TSPEAR: variants seen among roughly 807,000 people sequenced by gnomAD.
TSPEAR encodes the protein thrombospondin-type laminin G domain and EAR repeat-containing protein.
In TSPEAR, 69 loss-of-function variants were observed where a neutral mutation model predicts 71.6. The ratio of observed to expected loss-of-function variants is 0.96; its 90% CI spans 0.79 to 1.18. TSPEAR has a LOEUF of 1.18. Ranked by LOEUF, TSPEAR falls within the 50% of genes most tolerant of loss-of-function variation. The probability of loss-of-function intolerance (pLI) is 0.00; values close to 1 mark genes in which losing one functional copy is unlikely to be tolerated. For missense variants in TSPEAR, 971 were observed against 894.9 expected, an observed-to-expected ratio of 1.09 and a Z score of -1.09; for synonymous variants, 402 against 387.2, an observed-to-expected ratio of 1.04 and a Z score of -0.45.
chr21:44,539,079 CA>C lies in TSPEAR; in HGVS notation c.304-5157del, dbSNP rs782568145. On this transcript the variant is annotated intron_variant, in intron 2 of 11. Transcript: ENST00000323084. ...AGAGCAGAGAAGCTGGGAGGGAGGACAGGGGACCTAGCAGGCAGGTGGGCAC... is the reference window on the plus strand; with the variant it reads ...AGAGCAGAGAAGCTGGGAGGGAGGACGGGGACCTAGCAGGCAGGTGGGCAC... The C allele has an allele frequency of 1.9e-4, 136 of 719,774 alleles. No homozygotes were observed. In the Middle Eastern group the frequency reaches 2.0e-3, roughly 10 times the overall value. 44.6% of individuals were successfully genotyped at this position (719,774 alleles called of 1,614,324 possible).
intron 1 of TSPEAR, among the ~76,000 whole-genome samples, chr21:44,644,938 A>AG (rs879989454): frequency 9.5e-4 from 58 of 61,276 alleles, no homozygotes; most frequent in Admixed American, 9.3e-4. Context: ...AGAGTTAAGG[A>AG]AAGAGAGAAA....
intron 1 of TSPEAR, among the ~76,000 whole-genome samples, chr21:44,633,859 G>A (rs931829532): frequency 5.9e-5 from 9 of 152,026 alleles, no homozygotes; most frequent in African/African-American, 1.7e-4. Context: ...AACTGGAATT[G>A]CCTATTTCTT....
At chr21:44,628,064 C>T (rs1555934968) in intron 1 of TSPEAR, 1 of 1,603,144 alleles carries the variant, frequency 6.2e-7, no homozygotes, top group Non-Finnish European at 8.5e-7. Context: ...TCATGTCCCC[C>T]AGGGCCAGCC....
intron 1 of TSPEAR, among the ~76,000 whole-genome samples, chr21:44,597,560 G>C (rs1980456335): frequency 6.6e-6 from 1 of 151,640 alleles, no homozygotes; most frequent in African/African-American, 2.4e-5. Flanking sequence ...AGCCTCCCAA[G>C]TAGCTGAGAT....
chr21:44,557,498 G>A (rs2053551450), intron 2 of TSPEAR, among the ~76,000 whole-genome samples: 2 of 152,186 alleles, frequency 1.3e-5, no homozygotes, highest in Admixed American at 6.5e-5. Context: ...TGATGAGTGG[G>A]GGTCAGACAG....
intron 1 of TSPEAR, among the ~76,000 whole-genome samples, chr21:44,649,701 C>A (rs1984660282): frequency 6.6e-6 from 1 of 152,196 alleles, no homozygotes; most frequent in Non-Finnish European, 1.5e-5. Flanking sequence ...AGCTTCAATG[C>A]CTGGATGGGA....
chr21:44,706,119 C>A (rs1232371734), intron 1 of TSPEAR, among the ~76,000 whole-genome samples: 3 of 152,196 alleles, frequency 2.0e-5, no homozygotes, highest in East Asian at 3.8e-4. Context: ...AGGCCTAGTG[C>A]GAGCACAGGT....
At chr21:44,503,565 T>C (rs1377891468) in intron 11 of TSPEAR, among the ~76,000 whole-genome samples, 4 of 99,314 alleles carry the variant, frequency 4.0e-5, no homozygotes, top group South Asian at 3.8e-4. Flanking sequence ...GGAAGCAATG[T>C]GCTGGGAGGA....
At chr21:44,579,780 A>G (rs782605740) in intron 1 of TSPEAR, 5 of 1,612,170 alleles carry the variant, frequency 3.1e-6, no homozygotes, top group Non-Finnish European at 4.2e-6. Flanking sequence ...GCCAGGGGGG[A>G]GCACGCGGGG....
At position 44,710,045 on chromosome 21, in the gene TSPEAR, A is replaced by G. The variant is rs1184713761; in HGVS notation, c.82+1388T>C. On this transcript the variant is annotated intron_variant, in intron 1 of 11. Transcript: ENST00000323084. This position sits in a 1 kb window ranked among gnomAD's most constrained non-coding sequence, Gnocchi z 4.6. The stretch of plus-strand genomic sequence containing the variant: ...GATTCTGTTCCCTGAGCTAAAGGGA[A>G]CATGAAAATACATGTCTGTGACTCA... Among the ~76,000 whole-genome samples, 1 of 152,168 alleles carries G rather than the reference A, an allele frequency of 6.6e-6. No individual in the cohort carries two copies. The highest frequency in any genetic ancestry group is 1.5e-5 in the Non-Finnish European group (1 of 68,050).
chr21:44,522,387 C>T (rs587619216), intron 8 of TSPEAR, among the ~76,000 whole-genome samples: 17 of 152,324 alleles, frequency 1.1e-4, no homozygotes, highest in South Asian at 4.1e-4. Context: ...ATGGCCTCCC[C>T]GTGTCCTGGA....
intron 2 of TSPEAR, among the ~76,000 whole-genome samples, chr21:44,560,604 T>G (rs2053618079): frequency 6.6e-6 from 1 of 152,158 alleles, no homozygotes; most frequent in Non-Finnish European, 1.5e-5. Flanking sequence ...CCTCAGCAAA[T>G]GCAAAAGAAC....
intron 10 of TSPEAR, among the ~76,000 whole-genome samples, chr21:44,507,780 C>T (rs1311929495): frequency 2.6e-5 from 4 of 152,184 alleles, no homozygotes; most frequent in Admixed American, 1.3e-4. Flanking sequence ...GTTTTGTTCT[C>T]GGCGTTGACA....
intron 1 of TSPEAR, among the ~76,000 whole-genome samples, chr21:44,648,746 A>G (rs1275578620): frequency 1.3e-5 from 2 of 152,070 alleles, no homozygotes; most frequent in Non-Finnish European, 2.9e-5. Flanking sequence ...ATGGCTCCCG[A>G]GGGGAAAGGC....
At chr21:44,641,789 C>T (rs1984034450) in intron 1 of TSPEAR, among the ~76,000 whole-genome samples, 1 of 152,196 alleles carries the variant, frequency 6.6e-6, no homozygotes, top group South Asian at 2.1e-4. Flanking sequence ...GTGGCCCAGC[C>T]TCTACCAAGG....
Position 44,681,947 on chromosome 21 carries a change from G to T in TSPEAR, c.82+29486C>A, listed in dbSNP as rs547393657. The T allele has an allele frequency of 6.2e-7, 1 of 1,613,954 alleles. No homozygotes were observed. The highest frequency in any genetic ancestry group is 1.1e-5 in the South Asian group (1 of 91,070). ...GAGCCGCATACACGACGGGCCTGCAGCTCACGGGCACGCACACAGAGGACT... is the reference window on the plus strand; with the variant it reads ...GAGCCGCATACACGACGGGCCTGCATCTCACGGGCACGCACACAGAGGACT... On this transcript the variant is annotated intron_variant, in intron 1 of 11. Coordinates refer to ENST00000323084, the MANE Select transcript of TSPEAR (RefSeq NM_144991.3).
intron 1 of TSPEAR, among the ~76,000 whole-genome samples, chr21:44,689,671 G>A (rs1287260226): frequency 7.8e-6 from 1 of 128,036 alleles, no homozygotes; most frequent in East Asian, 2.2e-4. Flanking sequence ...AGGCTTGAAG[G>A]TGAGTGTATT....
chr21:44,552,854 C>T (rs1383292315), intron 2 of TSPEAR, among the ~76,000 whole-genome samples: 1 of 152,204 alleles, frequency 6.6e-6, no homozygotes, highest in Admixed American at 6.5e-5. Context: ...GTCAAACAAG[C>T]CCCTCCGACC....
At chr21:44,504,982 G>A (rs1413567366) in intron 10 of TSPEAR, 101 bp from the exon 11 acceptor site, 6 of 805,490 alleles carry the variant, frequency 7.4e-6, no homozygotes, top group Non-Finnish European at 1.3e-5. Context: ...GGAGGAGCCG[G>A]GGCCAAAGTG....
Sources: gnomAD v4.1 joint callset for allele counts (sites outside exome capture counted in the v4.1 genomes callset) on GRCh38, gnomAD v4.1.1 for gene constraint, Gnocchi (gnomAD v3.1) non-coding constraint, MANE v1.5 for transcripts, NCBI Gene and HGNC (gene_info 2026-07-23, HGNC 2026-07-21) for gene names.